RFX3: variants seen among roughly 807,000 people sequenced by gnomAD.
RFX3 encodes regulatory factor X3.
A neutral mutation model predicts 98.6 loss-of-function variants in RFX3; 14 were observed. The ratio of observed to expected loss-of-function variants is 0.14; its 90% confidence interval spans 0.09 to 0.22. The LOEUF is 0.22. Ranked by LOEUF, RFX3 falls within the 10% of genes least tolerant of loss-of-function variation. RFX3 has a pLI of 1.00. For missense variants in RFX3, 639 were observed against 926.9 expected, an observed-to-expected ratio of 0.69 and a Z score of 4.03; for synonymous variants, 383 against 328.4, an observed-to-expected ratio of 1.17 and a Z score of -1.80.
intron 1 of RFX3, among the ~76,000 whole-genome samples, chr9:3,410,250 T>C (rs917863739): frequency 1.4e-5 from 2 of 146,874 alleles, no homozygotes; most frequent in African/African-American, 2.5e-5. Flanking sequence ...TTATATTCTA[T>C]AGGAATTCTG....
rs575600837 is a variant in RFX3, at chr9:3,520,469, A to G, written c.-9+5278T>C. Among the ~76,000 whole-genome samples the G allele has an allele frequency of 2.6e-5, 4 of 152,318 alleles. No individual in the cohort carries two copies. In the South Asian group the frequency reaches 8.3e-4, roughly 32 times the overall value. ...TATTGCTGTGAAAAGAGTCGATGAT[A>G]CAAGAAGTAGCCCAAGATTGGATTC... On this transcript the variant is annotated intron_variant, in intron 1 of 16. Coordinates refer to ENST00000617270, the MANE Select transcript of RFX3 (RefSeq NM_001282116.2).
chr9:3,337,538 G>T (rs142382210), intron 3 of RFX3, among the ~76,000 whole-genome samples: 1 of 152,308 alleles, frequency 6.6e-6, no homozygotes, highest in Non-Finnish European at 1.5e-5. Flanking sequence ...TGGAAATGGT[G>T]ACACACTGTA....
rs527939594 is a variant in RFX3, at chr9:3,406,136, T to A, written c.-8-10540A>T. Among the ~76,000 whole-genome samples the A allele has an allele frequency of 8.6e-5, 13 of 151,836 alleles. 1 individual carries two copies. In the South Asian group the frequency reaches 2.7e-3, roughly 32 times the overall value. The stretch of plus-strand genomic sequence containing the variant: ...CACGCCTGACAGCTAATTTTTTGGA[T>A]TTTTTTTGTAGAGACAGGGTTTCAC... On this transcript the variant is annotated intron_variant, in intron 1 of 16. Coordinates refer to ENST00000617270, the MANE Select transcript of RFX3 (RefSeq NM_001282116.2).
intron 1 of RFX3, among the ~76,000 whole-genome samples, chr9:3,401,868 C>A (rs1054219783): frequency 6.6e-6 from 1 of 152,116 alleles, no homozygotes; most frequent in Non-Finnish European, 1.5e-5. Context: ...GGCTAATTAA[C>A]CCCTACGAGA....
At chr9:3,311,166 T>G (rs865809564) in intron 4 of RFX3, among the ~76,000 whole-genome samples, 1 of 152,232 alleles carries the variant, frequency 6.6e-6, no homozygotes, top group Non-Finnish European at 1.5e-5. Context: ...CTGTAAATTT[T>G]TTAGAGAAAC....
chr9:3,247,314 AAGAAG>A, intron 15 of RFX3: 1 of 987,184 alleles, frequency 1.0e-6, no homozygotes, highest in Non-Finnish European at 1.2e-6. Flanking sequence ...AGAAATTCTG[AAGAAG>A]AGAATTTTCC....
At chr9:3,419,803 A>G (rs1227129761) in intron 1 of RFX3, among the ~76,000 whole-genome samples, 1 of 152,246 alleles carries the variant, frequency 6.6e-6, no homozygotes, top group Non-Finnish European at 1.5e-5. Flanking sequence ...CATGGGGTAC[A>G]TATGAAACTT....
intron 15 of RFX3, among the ~76,000 whole-genome samples, chr9:3,237,408 C>CT (rs941443509): frequency 2.6e-5 from 4 of 152,198 alleles, no homozygotes; most frequent in East Asian, 1.9e-4. Flanking sequence ...CTTCATATGT[C>CT]TTTTTTTATC....
At chr9:3,318,695 A>C (rs1041722770) in intron 4 of RFX3, among the ~76,000 whole-genome samples, 1 of 152,108 alleles carries the variant, frequency 6.6e-6, no homozygotes, top group African/African-American at 2.4e-5. Flanking sequence ...TTCACTGATA[A>C]TTTTATGACG....
intron 14 of RFX3, among the ~76,000 whole-genome samples, chr9:3,249,218 C>A (rs906272368): frequency 6.6e-6 from 1 of 152,118 alleles, no homozygotes; most frequent in African/African-American, 2.4e-5. Flanking sequence ...AAACAAAAGA[C>A]TGTACTTTTG....
At chr9:3,426,642 T>A (rs551169154) in intron 1 of RFX3, among the ~76,000 whole-genome samples, 28 of 152,194 alleles carry the variant, frequency 1.8e-4, no homozygotes, top group African/African-American at 6.0e-4. Flanking sequence ...AGCATTCGAT[T>A]CTCATAGGAA....
At chr9:3,311,953 C>A (rs1159922268) in intron 4 of RFX3, among the ~76,000 whole-genome samples, 2 of 152,078 alleles carry the variant, frequency 1.3e-5, no homozygotes, top group African/African-American at 4.8e-5. Flanking sequence ...TGTCCCCAGG[C>A]CTTTCATACA....
At chr9:3,358,894 A>C (rs7029630) in intron 2 of RFX3, among the ~76,000 whole-genome samples, 7,319 of 152,034 alleles carry the variant, frequency 0.048, 532 homozygotes, top group African/African-American at 0.15. Context: ...AAACCATCAG[A>C]TCTCATGAGA....
At chr9:3,506,992 A>G (rs996986365) in intron 1 of RFX3, among the ~76,000 whole-genome samples, 7 of 151,954 alleles carry the variant, frequency 4.6e-5, no homozygotes, top group African/African-American at 1.7e-4. Flanking sequence ...CTAAAATTTG[A>G]TTAGAGATTC....
Position 3,257,165 on chromosome 9 carries a change from T to C in RFX3, c.1640A>G (p.Asn547Ser), listed in dbSNP as rs767308397. Residue 547 changes from asparagine to serine, a missense_variant, in exon 14 of 17, where the codon AAC becomes AGC. By Grantham distance (46) the Asn-to-Ser change is conservative. Coordinates refer to ENST00000617270, the MANE Select transcript of RFX3 (RefSeq NM_001282116.2). The part of the protein sequence containing the change: ...QASWVCQCDD[N>S]MVQRLETDFK... Reference sequence around the variant, plus strand: ...GTCTGTTTCTAGTCTCTGAACCATGTTGTCATCACACTGGCACACCCAGGA... The same window carrying C: ...GTCTGTTTCTAGTCTCTGAACCATGCTGTCATCACACTGGCACACCCAGGA... The C allele has an allele frequency of 6.2e-7, 1 of 1,613,816 alleles. No individual in the cohort carries two copies. Among genetic ancestry groups the C allele is most frequent in the Non-Finnish European group, 8.5e-7 (1 of 1,179,978 alleles).
chr9:3,399,906 TC>T (rs1393313739), intron 1 of RFX3, among the ~76,000 whole-genome samples: 11 of 148,182 alleles, frequency 7.4e-5, no homozygotes, highest in Admixed American at 6.1e-4. Flanking sequence ...CCAAGATCAT[TC>T]CACTGCACTC....
At chr9:3,398,658 A>G (rs528909103) in intron 1 of RFX3, among the ~76,000 whole-genome samples, 4 of 152,234 alleles carry the variant, frequency 2.6e-5, no homozygotes, top group African/African-American at 7.2e-5. Flanking sequence ...TGTCACTCGC[A>G]CTAAATCTGC....
intron 1 of RFX3, among the ~76,000 whole-genome samples, chr9:3,399,733 C>G (rs151209249): frequency 0.014 from 2,165 of 151,852 alleles, 40 homozygotes; most frequent in East Asian, 0.03. Context: ...GGGCAGATCT[C>G]GAGGTCAGGA....
intron 1 of RFX3, among the ~76,000 whole-genome samples, chr9:3,508,004 T>C (rs1313671797): frequency 6.6e-6 from 1 of 151,602 alleles, no homozygotes; most frequent in Non-Finnish European, 1.5e-5. Context: ...GACACTGTGA[T>C]AACTAATAAA....
Sources: allele counts gnomAD v4.1 joint callset (sites outside exome capture counted in the v4.1 genomes callset), GRCh38; gene constraint gnomAD v4.1.1; transcripts MANE v1.5; gene names NCBI Gene and HGNC (gene_info 2026-07-23, HGNC 2026-07-21).